TCF25: variants seen among roughly 807,000 people sequenced by gnomAD.
TCF25 encodes ribosome quality control complex subunit TCF25.
In TCF25, 41 loss-of-function variants were observed where a neutral mutation model predicts 83.1. The observed-to-expected ratio is 0.49, with a 90% CI of 0.38 to 0.64. The LOEUF (loss-of-function observed/expected upper bound fraction) is 0.64. Among genes scored for constraint, TCF25 ranks in the 30% least tolerant of loss-of-function variants. The probability of loss-of-function intolerance (pLI) is 0.00; values close to 1 mark genes in which losing one functional copy is unlikely to be tolerated. For missense variants in TCF25, 979 were observed against 914.5 expected (o/e 1.07, Z -0.91); for synonymous variants, 458 against 365.0 (o/e 1.25, Z -2.90).
rs1567740848 is a variant in TCF25 at position 89,907,374 on chromosome 16, A to AC, written c.1799+52_1799+53insC. 6.9e-4 allele frequency: 30 copies of AC among 43,704 alleles called. 2 individuals carry two copies. The highest frequency in any genetic ancestry group is 1.4e-3 in the South Asian group (3 of 2,212). 2.7% of individuals were successfully genotyped at this position (43,704 alleles called of 1,614,324 possible). A position where few individuals can be genotyped will look rare whatever the true frequency, so the allele number is the denominator to read the frequency against. ...TCCCAGCTCCCACCTCCCTCCTCCCAGTTCCCAGCTCCCAGCTCCCACCTC... is the reference window on the plus strand; with the variant it reads ...TCCCAGCTCCCACCTCCCTCCTCCCACGTTCCCAGCTCCCAGCTCCCACCTC... On this transcript the variant is annotated intron_variant, in intron 16 of 17. Coordinates refer to ENST00000263346, the MANE Select transcript of TCF25 (RefSeq NM_014972.3).
At chr16:89,900,233 CGGGCTGCTCTCGGAAACTCGCGCGGCAGT>C (rs1468567763) in intron 11 of TCF25, among the ~76,000 whole-genome samples, 1 of 147,718 alleles carries the variant, frequency 6.8e-6, no homozygotes, top group East Asian at 2.2e-4. Context: ...ACTCGCGTGG[CGGGCTGCTCTCGGAAACTCGCGCGGCAGT>C]GGGCTGCTCT....
At position 89,884,626 on chromosome 16, in the gene TCF25, A is replaced by G; in HGVS notation, c.399A>G (p.Lys133=). ...TCCGGAAGAAGAAAAAAAAACAGAA[A>G]AACAAGAAAAGCAGCACGGGAGAAG... ...GKLRKKKKKQ[K]NKKSSTGEAS... The change falls in exon 3 of 18, where the codon AAA becomes AAG. Residue 133 remains lysine (K), a synonymous_variant. Coordinates refer to ENST00000263346, the MANE Select transcript of TCF25 (RefSeq NM_014972.3). 1.9e-6 allele frequency: 3 copies of G among 1,613,622 alleles called. No individual in the cohort carries two copies. Among genetic ancestry groups the G allele is most frequent in the Non-Finnish European group, 2.5e-6 (3 of 1,179,698 alleles).
At chr16:89,884,685 G>GTCCCTCTGCCTGACGCCCCTC (rs773198921) in intron 3 of TCF25, 29 bp downstream of exon 3, 16 of 1,600,798 alleles carry the variant, frequency 1.0e-5, no homozygotes, top group East Asian at 9.1e-5. Flanking sequence ...GCTGTGCTCT[G>GTCCCTCTGCCTGACGCCCCTC]TCCCTCTGCC....
rs982690129 is a variant in TCF25 at position 89,910,570 on chromosome 16, CTT to C, written c.1800-18_1800-17del. On this transcript the variant is annotated intron_variant, in intron 16 of 17. Coordinates refer to ENST00000263346, the MANE Select transcript of TCF25 (RefSeq NM_014972.3). ...AGTCTCAGTTCAGTGTCGTTTCTGACTTTTCTTGACTTTCTTTCAGGCTAAGT... is the reference window on the plus strand; with the variant it reads ...AGTCTCAGTTCAGTGTCGTTTCTGACTTCTTGACTTTCTTTCAGGCTAAGT... The C allele has an allele frequency of 1.9e-6, 3 of 1,612,926 alleles. No homozygotes were observed. The highest frequency in any genetic ancestry group is 1.7e-5 in the Admixed American group (1 of 60,018).
Position 89,894,881 on chromosome 16 carries a change from G to C in TCF25, c.829-157G>C, listed in dbSNP as rs1360688547. Reference sequence around the variant, plus strand: ...GCTGGTCTTGAACTCCTGATATCAAGTGATCCTCCTGCCTCAGCCTCCCAA... The same window carrying C: ...GCTGGTCTTGAACTCCTGATATCAACTGATCCTCCTGCCTCAGCCTCCCAA... On this transcript the variant is annotated intron_variant, in intron 7 of 17. Transcript: ENST00000263346. 16 of 550,214 alleles carry C rather than the reference G, an allele frequency of 2.9e-5. No homozygotes were observed. In the South Asian group the frequency reaches 3.3e-4, roughly 12 times the overall value. The allele number at this position is 550,214 out of a possible 1,614,324, so 34.1% of individuals were successfully genotyped here. A position where few individuals can be genotyped will look rare whatever the true frequency, so the allele number is the denominator to read the frequency against.
intron 8 of TCF25, among the ~76,000 whole-genome samples, chr16:89,895,502 C>T (rs1031496181): frequency 1.3e-5 from 2 of 152,138 alleles, no homozygotes; most frequent in African/African-American, 2.4e-5. Flanking sequence ...CACCACGCCC[C>T]GCCCTCTGGC....
At chr16:89,906,331 T>G (rs750628339) in intron 15 of TCF25, 47 bp downstream of exon 15, 25 of 1,584,406 alleles carry the variant, frequency 1.6e-5, no homozygotes, top group Non-Finnish European at 2.2e-5. Context: ...GCCGGTCACA[T>G]GCACGTCCCT....
intron 1 of TCF25, among the ~76,000 whole-genome samples, chr16:89,877,686 C>T (rs559382892): frequency 1.2e-4 from 19 of 152,174 alleles, no homozygotes; most frequent in Admixed American, 4.6e-4. Context: ...TGGAGAGAAT[C>T]GGTGAGACCG....
intron 16 of TCF25, among the ~76,000 whole-genome samples, chr16:89,908,398 TCCACCTCCCAGCTC>T (rs2045172813): frequency 3.0e-5 from 1 of 32,808 alleles, no homozygotes; most frequent in Non-Finnish European, 6.3e-5. Context: ...CCTTCCAGTT[TCCACCTCCCAGCTC>T]CCACCTCCCA....
rs2044575895 is a variant in TCF25, at chr16:89,904,117, GTCC to G, written c.1386_1388del (p.Leu463del). 2.5e-6 allele frequency: 4 copies of G among 1,605,004 alleles called. No homozygotes were observed. The highest frequency in any genetic ancestry group is 1.1e-5 in the South Asian group (1 of 89,266). ...CCACAGAGCCTCCGCTTCCCCTGCA[GTCC>G]TCCTGCCCCTGCTCGAGTCTTGCAG... On this transcript the variant is annotated inframe_deletion and splice_region_variant, in exon 13 of 18. Transcript: ENST00000263346.
At chr16:89,881,997 C>G (rs761977585) in intron 1 of TCF25, among the ~76,000 whole-genome samples, 15 of 152,116 alleles carry the variant, frequency 9.9e-5, no homozygotes, top group Non-Finnish European at 1.8e-4. Context: ...TCGTGATCCA[C>G]CCACCTCGGC....
rs949885366 is a variant in TCF25 at position 89,904,693 on chromosome 16, C to T, written c.1470-245C>T. ...CACGCAGATGGACCCGCCCTGGGTG[C>T]ATTTTCACATTTCTGTGACGTCAGT... On this transcript the variant is annotated intron_variant, in intron 13 of 17. Transcript: ENST00000263346. 2.3e-5 allele frequency: 15 copies of T among 643,098 alleles called. No homozygotes were observed. The African/African-American group carries it at 2.5e-4, about 11-fold the overall frequency. 39.8% of individuals were successfully genotyped at this position (643,098 alleles called of 1,614,324 possible). A position where few individuals can be genotyped will look rare whatever the true frequency, so the allele number is the denominator to read the frequency against.
In TCF25 at chr16:89,873,608, A is replaced by C; in HGVS notation, c.-60A>C. ...GCGCGAAGAGTGCGCAGGCGCGCCG[A>C]CAGCCGAGTTTTCTGCGCTTCCTTC... On this transcript the variant is annotated 5_prime_UTR_variant, in exon 1 of 18. Coordinates refer to ENST00000263346, the MANE Select transcript of TCF25 (RefSeq NM_014972.3). 8.2e-7 allele frequency: 1 copy of C among 1,216,182 alleles called. No individual in the cohort carries two copies. The allele number at this position is 1,216,182 out of a possible 1,614,324, so 75.3% of individuals were successfully genotyped here.
chr16:89,891,150 C>A (rs2043396973), intron 5 of TCF25, among the ~76,000 whole-genome samples: 2 of 152,238 alleles, frequency 1.3e-5, no homozygotes, highest in South Asian at 4.1e-4. Flanking sequence ...AGGCTCCTGT[C>A]CCCTGCCCCC....
chr16:89,900,700 G>A lies in TCF25; in HGVS notation c.1287G>A (p.Leu429=), dbSNP rs1156364854. 6.2e-7 allele frequency: 1 copy of A among 1,606,336 alleles called. No homozygotes were observed. The highest frequency in any genetic ancestry group is 1.1e-5 in the South Asian group (1 of 90,884). ...CTGTTCCACTGGCGTATTTCCTGCT[G>A]AGCCAGCAGACAGACCTCCCTGAGT... ...AFSVPLAYFL[L]SQQTDLPECE... Residue 429 remains leucine, a synonymous_variant, in exon 12 of 18, where the codon CTG becomes CTA. Coordinates refer to ENST00000263346, the MANE Select transcript of TCF25 (RefSeq NM_014972.3).
chr16:89,884,535 A>T (rs931341571), intron 2 of TCF25, 47 bp from the exon 3 acceptor site: 1 of 1,596,624 alleles, frequency 6.3e-7, no homozygotes, highest in African/African-American at 1.3e-5. Flanking sequence ...CTCACTTCTT[A>T]AGATTTACTT....
intron 1 of TCF25, among the ~76,000 whole-genome samples, chr16:89,883,131 C>A (rs1162848338): frequency 6.6e-6 from 1 of 151,664 alleles, no homozygotes; most frequent in Admixed American, 6.6e-5. Context: ...AGCCTCGGGG[C>A]CCCGGCTTTC....
intron 16 of TCF25, among the ~76,000 whole-genome samples, chr16:89,908,161 C>T (rs1371220956): frequency 2.8e-5 from 4 of 145,214 alleles, no homozygotes; most frequent in South Asian, 2.3e-4. Context: ...CCTCCCTCCT[C>T]CCAGCTCCCA....
At position 89,893,768 on chromosome 16, in the gene TCF25, C is replaced by T. The variant is rs2043609785; in HGVS notation, c.738C>T (p.Ser246=). ...MRLLESKKGL[S]FFAFEHSEEY... ...TGCTGGAATCAAAAAAAGGCCTCTC[C>T]TTCTTTGCGTTTGAGCACAGTGAGG... is the stretch of plus-strand genomic sequence containing the variant. Residue 246 remains serine, a synonymous_variant, in exon 7 of 18, where the codon TCC becomes TCT. Coordinates refer to ENST00000263346, the MANE Select transcript of TCF25 (RefSeq NM_014972.3). 6.2e-7 allele frequency: 1 copy of T among 1,613,780 alleles called. No individual in the cohort carries two copies. The highest frequency in any genetic ancestry group is 1.3e-5 in the African/African-American group (1 of 75,068).
Sources: gnomAD v4.1 joint callset for allele counts (sites outside exome capture counted in the v4.1 genomes callset) on GRCh38, gnomAD v4.1.1 for gene constraint, MANE v1.5 for transcripts, NCBI Gene and HGNC (gene_info 2026-07-23, HGNC 2026-07-21) for gene names.